The following FGD2 variants were observed in gnomAD, a reference collection of about 807,000 sequenced individuals.
FGD2 encodes the protein FYVE, RhoGEF and PH domain containing 2, also known as FYVE, RhoGEF and PH domain-containing protein 2.
FGD2 carries 52 observed loss-of-function variants against 75.9 expected under a neutral mutation model. That is an observed-to-expected ratio of 0.69 (90% CI 0.55 to 0.86). The LOEUF is 0.86. Among genes scored for constraint, FGD2 ranks in the 40% least tolerant of loss-of-function variants. The pLI is 0.00. For missense variants in FGD2, 790 were observed against 872.0 expected (o/e 0.91, Z 1.18); for synonymous variants, 347 against 348.6 (o/e 1.00, Z 0.05).
chr6:37,027,597 C>A lies in FGD2; in HGVS notation c.1752+22C>A, dbSNP rs376562944. ...TCAGGTAAGGCCACCACCTGCCCGC[C>A]CCCCGTCAGGCCCTGGCCTTCCCAC... On this transcript the variant is annotated intron_variant, in intron 15 of 15. Coordinates refer to ENST00000274963, the MANE Select transcript of FGD2 (RefSeq NM_173558.4). 1.7e-5 allele frequency: 27 copies of A among 1,613,136 alleles called. No individual in the cohort carries two copies. The African/African-American group carries it at 2.5e-4, about 15-fold the overall frequency.
At chr6:37,020,155 G>T (rs1197146328) in intron 9 of FGD2, among the ~76,000 whole-genome samples, 5 of 152,128 alleles carry the variant, frequency 3.3e-5, no homozygotes, top group Non-Finnish European at 7.4e-5. Flanking sequence ...CCCAGCCAAG[G>T]TTATTTTCTT....
intron 1 of FGD2, 38 bp downstream of exon 1, chr6:37,005,923 C>T (rs779129701): frequency 2.5e-6 from 4 of 1,602,036 alleles, no homozygotes; most frequent in Non-Finnish European, 3.4e-6. Context: ...CCATGGTGGG[C>T]TGGCAGCCAC....
At chr6:37,027,117 G>C (rs1765863313) in intron 14 of FGD2, among the ~76,000 whole-genome samples, 3 of 152,148 alleles carry the variant, frequency 2.0e-5, no homozygotes, top group Admixed American at 6.5e-5. Flanking sequence ...GCCTGCCCCT[G>C]GAGATGCTCA....
chr6:37,009,022 G>A lies in FGD2; in HGVS notation c.257G>A (p.Arg86Lys), dbSNP rs202027789. 162 of 1,614,232 alleles carry A rather than the reference G, an allele frequency of 1.0e-4. 1 individual carries two copies. Among genetic ancestry groups the A allele is most frequent in the Non-Finnish European group, 3.9e-5 (46 of 1,180,040 alleles). ...AACAAGCTGTCCAGCGAAGCCTGGA[G>A]GAAATCTTGCCAGCCTGTGACCCTC... The part of the protein sequence containing the change: ...LKNKLSSEAW[R>K]KSCQPVTLSG... Residue 86 changes from arginine to lysine, a missense_variant, in exon 2 of 16, where the codon AGG becomes AAG. Arg to Lys is a conservative substitution (Grantham distance 26). Coordinates refer to ENST00000274963, the MANE Select transcript of FGD2 (RefSeq NM_173558.4).
chr6:37,014,202 C>G, intron 6 of FGD2, 102 bp downstream of exon 6: 4 of 1,353,362 alleles, frequency 3.0e-6, no homozygotes, highest in Non-Finnish European at 4.0e-6. Context: ...CATCAGTCAT[C>G]AACATCAACC....
chr6:37,012,962 C>T (rs982475101), intron 4 of FGD2: 1 of 126,028 alleles, frequency 7.9e-6, no homozygotes, highest in Admixed American at 8.4e-5. Flanking sequence ...TGGAAAAGTT[C>T]TGTGTGTGTG....
At chr6:37,011,078 A>G (rs1478708851) in intron 3 of FGD2, 28 bp downstream of exon 3, 1 of 1,610,434 alleles carries the variant, frequency 6.2e-7, no homozygotes. Context: ...CCCCCTCTAG[A>G]GCCCCAGCCC....
Position 37,008,944 on chromosome 6 carries a change from C to T in FGD2, c.179C>T (p.Ala60Val). The T allele has an allele frequency of 6.2e-7, 1 of 1,614,220 alleles. No individual in the cohort carries two copies. Among genetic ancestry groups the T allele is most frequent in the Non-Finnish European group, 8.5e-7 (1 of 1,180,038 alleles). ...CGGGAGAAGACGAATGTCGGGGAGG[C>T]CGTGGGGTCTGAGCCCAGGACAGTC... ...GPREKTNVGEAVGSEPRTVSR... is the reference protein window; with the variant it reads ...GPREKTNVGEVVGSEPRTVSR... The change falls in exon 2 of 16, where the codon GCC (alanine) becomes GTC (valine). Residue 60 changes from alanine (A) to valine (V), a missense_variant. Ala to Val is a moderately conservative substitution (Grantham distance 64). Coordinates refer to ENST00000274963, the MANE Select transcript of FGD2 (RefSeq NM_173558.4).
Position 37,011,697 on chromosome 6 carries a change from C to T in FGD2, c.379-9C>T, listed in dbSNP as rs1292739990. ...CACTGCAGTGAGTGACCTGTCGTGG[C>T]GGCTACAGGTGTTTTTCCAGGAGCT... is the stretch of plus-strand genomic sequence containing the variant. On this transcript the variant is annotated splice_polypyrimidine_tract_variant and intron_variant, in intron 3 of 15. Transcript: ENST00000274963. 1.4e-5 allele frequency: 23 copies of T among 1,613,858 alleles called. No homozygotes were observed. The highest frequency in any genetic ancestry group is 5.3e-5 in the African/African-American group (4 of 74,908).
At position 37,014,906 on chromosome 6, in the gene FGD2, C is replaced by T. The variant is rs1765204603; in HGVS notation, c.897C>T (p.Asp299=). 3 of 1,613,966 alleles carry T rather than the reference C, an allele frequency of 1.9e-6. No homozygotes were observed. Among genetic ancestry groups the T allele is most frequent in the Non-Finnish European group, 2.5e-6 (3 of 1,179,912 alleles). ...CAACCCCCTAGGAGCGGCTGCAGGA[C>T]CTGTGGGAGGTGTACCAGCGCCTGG... ...AAITEMERLQ[D]LWEVYQRLGL... Residue 299 remains aspartate, a synonymous_variant, in exon 8 of 16, where the codon GAC becomes GAT. Transcript: ENST00000274963.
intron 4 of FGD2, chr6:37,012,118 A>G: frequency 2.6e-6 from 1 of 391,816 alleles, no homozygotes; most frequent in Non-Finnish European, 4.5e-6. Context: ...GGGACAGTGA[A>G]AATAGCCAGT....
intron 2 of FGD2, chr6:37,009,533 G>C (rs1442036482): frequency 1.3e-5 from 2 of 153,842 alleles, no homozygotes; most frequent in Non-Finnish European, 2.9e-5. Flanking sequence ...AGAGTTCAAG[G>C]GTTGGCATGC....
At chr6:37,014,384 C>T (rs890577703) in intron 6 of FGD2, 3 of 614,400 alleles carry the variant, frequency 4.9e-6, no homozygotes, top group Middle Eastern at 4.3e-4. Flanking sequence ...TCCATTATAC[C>T]CTCTAGGTCT....
intron 9 of FGD2, among the ~76,000 whole-genome samples, chr6:37,017,876 A>G (rs1290291740): frequency 6.6e-6 from 1 of 152,126 alleles, no homozygotes; most frequent in East Asian, 1.9e-4. Flanking sequence ...GCAGCCTGGG[A>G]ATGATGAAAG....
chr6:37,005,915 A>T, intron 1 of FGD2, 30 bp downstream of exon 1: 4 of 1,609,702 alleles, frequency 2.5e-6, no homozygotes, highest in Non-Finnish European at 3.4e-6. Flanking sequence ...GAGGGTCACC[A>T]TGGTGGGCTG....
rs770484246 is a variant in FGD2, at chr6:37,027,764, C to T, written c.1753-184C>T. The T allele has an allele frequency of 5.0e-6, 5 of 1,003,756 alleles. No homozygotes were observed. The Admixed American group carries it at 8.1e-5, about 16-fold the overall frequency. The allele number at this position is 1,003,756 out of a possible 1,614,324, so 62.2% of individuals were successfully genotyped here. A position where few individuals can be genotyped will look rare whatever the true frequency, so the allele number is the denominator to read the frequency against. ...ATTGTGCCCTGACTCTAGGTCACCA[C>T]TGCTTTGCCCTCAGAGGCAGCCAGT... On this transcript the variant is annotated intron_variant, in intron 15 of 15. Transcript: ENST00000274963.
In FGD2 at chr6:37,014,597, C is replaced by T. The variant is rs544933795; in HGVS notation, c.824-49C>T. The stretch of plus-strand genomic sequence containing the variant: ...AACTTCAAGGACCTCCTGCCCCAGC[C>T]ACCAGCCCTAGATTCTCAGGGAATA... On this transcript the variant is annotated intron_variant, in intron 6 of 15. Transcript: ENST00000274963. 5 of 1,606,702 alleles carry T rather than the reference C, an allele frequency of 3.1e-6. No individual in the cohort carries two copies. The South Asian group carries it at 3.3e-5, about 11-fold the overall frequency.
At chr6:37,015,622 G>A in intron 8 of FGD2, 146 bp from the exon 9 acceptor site, 1 of 716,916 alleles carries the variant, frequency 1.4e-6, no homozygotes. Flanking sequence ...CACCTGTGAT[G>A]TCCTGTGAGC....
rs779541009 is a variant in FGD2, at chr6:37,027,515, G to C, written c.1692G>C (p.Arg564=). The C allele has an allele frequency of 3.2e-5, 51 of 1,614,004 alleles. No individual in the cohort carries two copies. The highest frequency in any genetic ancestry group is 2.3e-4 in the Admixed American group (14 of 60,002). The change falls in exon 15 of 16, where the codon CGG becomes CGC. Residue 564 remains arginine (R), a synonymous_variant. Transcript: ENST00000274963. ...ACAAGTGGGGCAAGAGCGGCCCCCGGGGCTGGTGTGTGATCCCTCGGGATG... is the reference window on the plus strand; with the variant it reads ...ACAAGTGGGGCAAGAGCGGCCCCCGCGGCTGGTGTGTGATCCCTCGGGATG... ...IGDKWGKSGP[R]GWCVIPRDDP... is the part of the protein sequence containing the mutation.
Sources: gnomAD v4.1 joint callset for allele counts (sites outside exome capture counted in the v4.1 genomes callset) on GRCh38, gnomAD v4.1.1 for gene constraint, MANE v1.5 for transcripts, NCBI Gene and HGNC (gene_info 2026-07-23, HGNC 2026-07-21) for gene names.